Variants in DCDC2 observed in about 807,000 individuals in gnomAD.
DCDC2 encodes doublecortin domain-containing protein 2.
In DCDC2, 40 loss-of-function variants were observed where a neutral mutation model predicts 50.2. The ratio of observed to expected loss-of-function variants is 0.80; its 90% CI spans 0.62 to 1.04. The LOEUF (loss-of-function observed/expected upper bound fraction) is 1.04. Among genes scored for constraint, DCDC2 ranks in the 50% least tolerant of loss-of-function variants. DCDC2 has a pLI of 0.00. For synonymous variants in DCDC2, 234 were observed against 210.6 expected (o/e 1.11, Z -0.96); for missense variants, 570 against 581.9 (o/e 0.98, Z 0.21).
chr6:24,240,274 C>T (rs1762538566), intron 7 of DCDC2, among the ~76,000 whole-genome samples: 1 of 152,018 alleles, frequency 6.6e-6, no homozygotes, highest in African/African-American at 2.4e-5. Context: ...TCCTTGAATC[C>T]TCGGTGGCTT....
At chr6:24,224,551 A>G (rs1163578536) in intron 7 of DCDC2, among the ~76,000 whole-genome samples, 1 of 152,210 alleles carries the variant, frequency 6.6e-6, no homozygotes, top group African/African-American at 2.4e-5. Flanking sequence ...GTACACACAC[A>G]TATGTGGTGT....
chr6:24,222,506 C>T (rs1762142440), intron 7 of DCDC2, among the ~76,000 whole-genome samples: 1 of 152,152 alleles, frequency 6.6e-6, no homozygotes, highest in African/African-American at 2.4e-5. Context: ...GGTTTAATAC[C>T]TGATTATATC....
chr6:24,344,924 TA>T (rs1760228827), intron 2 of DCDC2, among the ~76,000 whole-genome samples: 1 of 152,184 alleles, frequency 6.6e-6, no homozygotes, highest in African/African-American at 2.4e-5. Flanking sequence ...GGAAAAGGTA[TA>T]AAATAAAAGT....
At chr6:24,198,444 C>T (rs1581581138) in intron 8 of DCDC2, among the ~76,000 whole-genome samples, 1 of 152,320 alleles carries the variant, frequency 6.6e-6, no homozygotes, top group East Asian at 1.9e-4. Context: ...CCCTGAGGGA[C>T]TGTGTCACGA....
At chr6:24,304,328 C>T (rs1416021049) in intron 2 of DCDC2, among the ~76,000 whole-genome samples, 4 of 152,054 alleles carry the variant, frequency 2.6e-5, no homozygotes, top group African/African-American at 9.7e-5. Context: ...ACTGAAAATA[C>T]AAAACTTAGC....
intron 7 of DCDC2, among the ~76,000 whole-genome samples, chr6:24,234,901 C>A (rs1762411033): frequency 6.6e-6 from 1 of 152,014 alleles, no homozygotes; most frequent in Admixed American, 6.5e-5. Flanking sequence ...GCACACTTGC[C>A]AAACACCCAG....
At chr6:24,288,763 C>G in intron 6 of DCDC2, 89 bp downstream of exon 6, 1 of 1,236,510 alleles carries the variant, frequency 8.1e-7, no homozygotes, top group Non-Finnish European at 1.2e-6. Context: ...TAAGTTTTAT[C>G]TCTTGGAACT....
intron 2 of DCDC2, among the ~76,000 whole-genome samples, chr6:24,323,390 A>T (rs2113853160): frequency 6.6e-6 from 1 of 152,306 alleles, no homozygotes; most frequent in East Asian, 1.9e-4. Flanking sequence ...CAGGAAAAAA[A>T]TATCAGTGGG....
intron 2 of DCDC2, among the ~76,000 whole-genome samples, chr6:24,335,394 G>T (rs1443284783): frequency 6.6e-6 from 1 of 152,200 alleles, no homozygotes; most frequent in East Asian, 1.9e-4. Flanking sequence ...AGAAACAAAA[G>T]ATATGTGGTT....
intron 2 of DCDC2, among the ~76,000 whole-genome samples, chr6:24,326,722 G>A (rs554608354): frequency 4.7e-5 from 7 of 148,684 alleles, no homozygotes; most frequent in African/African-American, 1.7e-4. Flanking sequence ...GGCCAGGTGT[G>A]GTGGTACATG....
chr6:24,370,709 CA>C, the DCDC2 span, among the ~76,000 whole-genome samples: 2 of 151,544 alleles, frequency 1.3e-5, no homozygotes, highest in Non-Finnish European at 2.9e-5. Context: ...GACCCTGTCT[CA>C]AAAAAATAAA....
At chr6:24,272,753 T>C (rs1054606606) in intron 7 of DCDC2, among the ~76,000 whole-genome samples, 3 of 152,150 alleles carry the variant, frequency 2.0e-5, no homozygotes, top group Non-Finnish European at 2.9e-5. Flanking sequence ...GCAATACCAA[T>C]ACACTGTGGG....
chr6:24,317,482 A>AT (rs1759693397), intron 2 of DCDC2, among the ~76,000 whole-genome samples: 1 of 152,104 alleles, frequency 6.6e-6, no homozygotes, highest in Non-Finnish European at 1.5e-5. Flanking sequence ...CTTATACTAT[A>AT]GACAAGAATG....
chr6:24,269,039 C>T (rs572169756), intron 7 of DCDC2, among the ~76,000 whole-genome samples: 1 of 152,138 alleles, frequency 6.6e-6, no homozygotes, highest in Non-Finnish European at 1.5e-5. Flanking sequence ...TGATAGCACA[C>T]TGCATGGTGA....
chr6:24,186,304 A>C (rs1366640003), intron 8 of DCDC2, among the ~76,000 whole-genome samples: 1 of 152,230 alleles, frequency 6.6e-6, no homozygotes, highest in Non-Finnish European at 1.5e-5. Context: ...TTCTTAGAGC[A>C]CTTTCACATG....
In DCDC2 at chr6:24,266,401, T is replaced by C. The variant is rs542430745; in HGVS notation, c.922+11648A>G. 5.3e-5 allele frequency among the ~76,000 whole-genome samples: 8 copies of C among 151,886 alleles called. No homozygotes were observed. In the East Asian group the frequency reaches 1.5e-3, roughly 29 times the overall value. On this transcript the variant is annotated intron_variant, in intron 7 of 9. Transcript: ENST00000378454. The stretch of plus-strand genomic sequence containing the variant: ...AGACAACCCACAGAATAGAAGAAAA[T>C]ATTTGCAAACTACCCATCTGACAAG...
chr6:24,305,440 A>G (rs969753698), intron 2 of DCDC2, among the ~76,000 whole-genome samples: 1 of 152,222 alleles, frequency 6.6e-6, no homozygotes, highest in African/African-American at 2.4e-5. Flanking sequence ...TAAAAGAAAC[A>G]AAAAGATAAT....
rs1193978977 is a variant in DCDC2 at position 24,283,240 on chromosome 6, CTTTTGT to C, written c.760-5035_760-5030del. Among the ~76,000 whole-genome samples the C allele has an allele frequency of 5.3e-5, 8 of 152,240 alleles. No homozygotes were observed. The East Asian group carries it at 1.5e-3, about 29-fold the overall frequency. On this transcript the variant is annotated intron_variant, in intron 6 of 9. Coordinates refer to ENST00000378454, the MANE Select transcript of DCDC2 (RefSeq NM_016356.5). ...TTTAAGATAATTTATTTACATCTTC[CTTTTGT>C]TTTTAAGGCTAGAATCACAACTTAA...
At chr6:24,208,719 CTTACT>C (rs1479679210) in intron 7 of DCDC2, among the ~76,000 whole-genome samples, 1 of 152,208 alleles carries the variant, frequency 6.6e-6, no homozygotes, top group Non-Finnish European at 1.5e-5. Context: ...CATGATCACA[CTTACT>C]TTAATCAATT....
Sources: allele counts gnomAD v4.1 joint callset (sites outside exome capture counted in the v4.1 genomes callset), GRCh38; gene constraint gnomAD v4.1.1; transcripts MANE v1.5; gene names NCBI Gene and HGNC (gene_info 2026-07-23, HGNC 2026-07-21).